Variants in LRP1B observed in about 807,000 individuals in gnomAD.
LRP1B encodes low-density lipoprotein receptor-related protein 1B.
Under a neutral mutation model 556.6 loss-of-function variants are expected in LRP1B, and 217 were observed. That is an observed-to-expected ratio of 0.39 (90% CI 0.35 to 0.44). The LOEUF is 0.44. LRP1B is among the 20% of genes least tolerant of loss of function. The pLI, the probability that LRP1B is intolerant of heterozygous loss-of-function variation, is 1.00. For synonymous variants in LRP1B, 2,047 were observed against 1,865.8 expected (o/e 1.10, Z -2.50); for missense variants, 5,053 against 5,620.8 (o/e 0.90, Z 3.23).
At chr2:142,096,115 G>T (rs1290162639) in intron 1 of LRP1B, among the ~76,000 whole-genome samples, 3 of 151,620 alleles carry the variant, frequency 2.0e-5, no homozygotes, top group Non-Finnish European at 3.0e-5. Flanking sequence ...ATCCTCTTTT[G>T]CAGAAGTTCA....
intron 2 of LRP1B, among the ~76,000 whole-genome samples, chr2:141,520,430 G>A (rs1684487723): frequency 6.6e-6 from 1 of 151,926 alleles, no homozygotes; most frequent in Non-Finnish European, 1.5e-5. Context: ...TCCCTGTCAT[G>A]AAGTCATGGG....
chr2:141,558,633 A>C (rs1686042880), intron 2 of LRP1B, among the ~76,000 whole-genome samples: 2 of 151,832 alleles, frequency 1.3e-5, no homozygotes, highest in Non-Finnish European at 2.9e-5. Context: ...ATCATGACTC[A>C]ACAGCCAAAA....
chr2:141,379,756 T>C (rs1037654101), intron 3 of LRP1B, among the ~76,000 whole-genome samples: 6 of 152,086 alleles, frequency 3.9e-5, no homozygotes, highest in South Asian at 2.1e-4. Flanking sequence ...CCTGGAACCA[T>C]AGAGAATAAA....
At chr2:141,448,257 C>T (rs1408940190) in intron 3 of LRP1B, among the ~76,000 whole-genome samples, 1 of 152,234 alleles carries the variant, frequency 6.6e-6, no homozygotes, top group African/African-American at 2.4e-5. Context: ...ATGTTGGATG[C>T]CCCTCCCCCA....
At chr2:140,289,093 T>A (rs1683273024) in intron 84 of LRP1B, among the ~76,000 whole-genome samples, 1 of 151,972 alleles carries the variant, frequency 6.6e-6, no homozygotes, top group South Asian at 2.1e-4. Context: ...TATTCAGTAG[T>A]GCTCACCAAA....
At chr2:140,878,913 C>T (rs1054992224) in intron 25 of LRP1B, among the ~76,000 whole-genome samples, 1 of 150,906 alleles carries the variant, frequency 6.6e-6, no homozygotes, top group African/African-American at 2.4e-5. Flanking sequence ...TGCTTGAACC[C>T]GGGAGGCAGA....
chr2:140,444,228 A>G (rs1000452268), intron 65 of LRP1B, 102 bp downstream of exon 65: 3 of 1,245,072 alleles, frequency 2.4e-6, no homozygotes, highest in South Asian at 1.8e-5. Context: ...ATTTCTTTTC[A>G]ATTTATCTAC....
chr2:141,685,406 G>A (rs1691259904), intron 2 of LRP1B, among the ~76,000 whole-genome samples: 1 of 152,014 alleles, frequency 6.6e-6, no homozygotes, highest in South Asian at 2.1e-4. Flanking sequence ...ATGTTGGGAT[G>A]GTTTTAATAT....
intron 1 of LRP1B, among the ~76,000 whole-genome samples, chr2:142,100,954 G>A (rs1260049372): frequency 2.0e-5 from 3 of 151,978 alleles, no homozygotes; most frequent in African/African-American, 2.4e-5. Flanking sequence ...ACAAGGAAAA[G>A]AAAGAGAAAG....
chr2:141,588,624 T>C (rs1052048331), intron 2 of LRP1B, among the ~76,000 whole-genome samples: 2 of 152,166 alleles, frequency 1.3e-5, no homozygotes, highest in Non-Finnish European at 2.9e-5. Flanking sequence ...CTTTAAAAAT[T>C]GGCTCTCCAA....
intron 2 of LRP1B, among the ~76,000 whole-genome samples, chr2:141,643,710 A>C (rs1390503480): frequency 6.6e-6 from 1 of 152,158 alleles, no homozygotes; most frequent in Non-Finnish European, 1.5e-5. Context: ...TCATATTTCT[A>C]ATTTTACAAG....
intron 29 of LRP1B, among the ~76,000 whole-genome samples, chr2:140,849,097 C>T (rs553644610): frequency 1.3e-5 from 2 of 150,536 alleles, no homozygotes; most frequent in Admixed American, 1.3e-4. Flanking sequence ...TGGCTCACAG[C>T]TGTAATCCCA....
chr2:141,360,710 G>A (rs901544124), intron 3 of LRP1B, among the ~76,000 whole-genome samples: 18 of 152,206 alleles, frequency 1.2e-4, no homozygotes, highest in Admixed American at 2.6e-4. Context: ...ACAATTCCCC[G>A]GCAGGAGGAC....
chr2:141,746,097 G>A (rs62168667), intron 2 of LRP1B, among the ~76,000 whole-genome samples: 10,937 of 152,000 alleles, frequency 0.072, 427 homozygotes, highest in Admixed American at 0.11. Context: ...CAGGAGCTGC[G>A]TTCCCTGGGG....
At chr2:141,063,115 C>T (rs1173568961) in intron 7 of LRP1B, among the ~76,000 whole-genome samples, 1 of 151,796 alleles carries the variant, frequency 6.6e-6, no homozygotes, top group African/African-American at 2.4e-5. Context: ...ATTACCCACT[C>T]ATGAGACTAA....
chr2:140,593,814 C>A (rs1346324813), intron 43 of LRP1B, among the ~76,000 whole-genome samples: 1 of 151,674 alleles, frequency 6.6e-6, no homozygotes, highest in Non-Finnish European at 1.5e-5. Context: ...TTAAAAAACC[C>A]TTTTTTGATT....
At chr2:141,504,018 G>C (rs1041231916) in intron 2 of LRP1B, among the ~76,000 whole-genome samples, 2 of 152,072 alleles carry the variant, frequency 1.3e-5, no homozygotes, top group African/African-American at 4.8e-5. Context: ...AACGATTTAG[G>C]CTATTGGATT....
rs979928157 is a variant in LRP1B at position 141,926,221 on chromosome 2, T to C, written c.83-115820A>G. ...AACATTATCAAAGAAATACTACTGA[T>C]CCTTGTTGCGAGAAAGCTAGATATC... On this transcript the variant is annotated intron_variant, in intron 1 of 90. Transcript: ENST00000389484. 1.7e-4 allele frequency among the ~76,000 whole-genome samples: 26 copies of C among 152,216 alleles called. 1 individual carries two copies. Among genetic ancestry groups the C allele is most frequent in the Admixed American group, 1.2e-3 (19 of 15,282 alleles).
chr2:142,057,169 CTATT>C (rs2104884314), intron 1 of LRP1B, among the ~76,000 whole-genome samples: 1 of 152,294 alleles, frequency 6.6e-6, no homozygotes, highest in East Asian at 1.9e-4. Context: ...ACCTCAACCA[CTATT>C]TATTGCCTCA....
Sources: gnomAD v4.1 joint callset for allele counts (sites outside exome capture counted in the v4.1 genomes callset) on GRCh38, gnomAD v4.1.1 for gene constraint, MANE v1.5 for transcripts, NCBI Gene and HGNC (gene_info 2026-07-23, HGNC 2026-07-21) for gene names.